The following ALG14 variants were observed in gnomAD, a reference collection of about 807,000 sequenced individuals.
ALG14 encodes UDP-N-acetylglucosamine transferase subunit ALG14.
In ALG14, 17 loss-of-function variants were observed where a neutral mutation model predicts 22.8. The ratio of observed to expected loss-of-function variants is 0.75; its 90% CI spans 0.51 to 1.12. The LOEUF is 1.12. ALG14 is among the 50% of genes most tolerant of loss of function. The pLI is 0.00. For synonymous variants in ALG14, 89 were observed against 103.7 expected (o/e 0.86, Z 0.86); for missense variants, 288 against 271.8 (o/e 1.06, Z -0.42).
chr1:94,995,935 T>G (rs1219830902), intron 3 of ALG14, among the ~76,000 whole-genome samples: 1 of 151,980 alleles, frequency 6.6e-6, no homozygotes, highest in Non-Finnish European at 1.5e-5. Flanking sequence ...AATTAGGAGG[T>G]TTTTGGAGGG....
Position 95,042,936 on chromosome 1 carries a change from T to TCTA in ALG14, c.289-15679_289-15677dup, listed in dbSNP as rs540070397. Among the ~76,000 whole-genome samples the TCTA allele has an allele frequency of 1.8e-4, 27 of 152,328 alleles. No individual in the cohort carries two copies. The South Asian group carries it at 4.4e-3, about 25-fold the overall frequency. On this transcript the variant is annotated intron_variant, in intron 2 of 3. Transcript: ENST00000370205. The stretch of plus-strand genomic sequence containing the variant: ...TGGTTGTCTAATTTTCTTGCCTTTC[T>TCTA]CTACTGTTTTTTACGTTTTCCTTAT...
chr1:95,023,646 A>G (rs1387332684), intron 3 of ALG14, among the ~76,000 whole-genome samples: 2 of 152,234 alleles, frequency 1.3e-5, no homozygotes, highest in Non-Finnish European at 2.9e-5. Flanking sequence ...ATTTGTTAAT[A>G]TGGAGAATCT....
chr1:95,040,357 C>T (rs551407888), intron 2 of ALG14, among the ~76,000 whole-genome samples: 5 of 152,104 alleles, frequency 3.3e-5, no homozygotes, highest in Non-Finnish European at 7.3e-5. Flanking sequence ...TCATAAGCAC[C>T]ATAAAGTGAG....
intron 2 of ALG14, among the ~76,000 whole-genome samples, chr1:95,051,316 A>G (rs919186430): frequency 1.3e-5 from 2 of 152,068 alleles, no homozygotes; most frequent in Admixed American, 1.3e-4. Context: ...CTCACACCCT[A>G]CATCTTATCT....
At position 94,981,399 on chromosome 1, in the gene ALG14, C is replaced by T. The variant is rs1177714366; in HGVS notation, c.*1677G>A. On this transcript the variant is annotated 3_prime_UTR_variant, in exon 4 of 4. Coordinates refer to ENST00000370205, the MANE Select transcript of ALG14 (RefSeq NM_144988.4). ...CCAGCCAAAAACCTAGGAAGATGTCCGGCTGACAGATGCGCCTGTTACATG... is the reference window on the plus strand; with the variant it reads ...CCAGCCAAAAACCTAGGAAGATGTCTGGCTGACAGATGCGCCTGTTACATG... 4.0e-5 allele frequency: 6 copies of T among 151,158 alleles called. No homozygotes were observed. Among genetic ancestry groups the T allele is most frequent in the East Asian group, 3.9e-4 (2 of 5,130 alleles). The allele number at this position is 151,158 out of a possible 1,614,324, so 9.4% of individuals were successfully genotyped here.
At chr1:95,034,695 C>A (rs947467931) in intron 2 of ALG14, among the ~76,000 whole-genome samples, 2 of 152,172 alleles carry the variant, frequency 1.3e-5, no homozygotes, top group African/African-American at 4.8e-5. Flanking sequence ...ATCTCTGTGT[C>A]TCACTGCTGA....
intron 2 of ALG14, among the ~76,000 whole-genome samples, chr1:95,039,853 G>A (rs1256142576): frequency 6.6e-6 from 1 of 152,064 alleles, no homozygotes; most frequent in African/African-American, 2.4e-5. Context: ...CTCGCTTGAC[G>A]TTGACAAGTC....
At chr1:95,012,831 T>G (rs1344311308) in intron 3 of ALG14, among the ~76,000 whole-genome samples, 1 of 152,196 alleles carries the variant, frequency 6.6e-6, no homozygotes, top group African/African-American at 2.4e-5. Flanking sequence ...GTATTTGTCC[T>G]GTTGAAACAA....
intron 3 of ALG14, among the ~76,000 whole-genome samples, chr1:95,013,919 A>T: frequency 8.0e-6 from 1 of 124,526 alleles, no homozygotes; most frequent in Non-Finnish European, 1.6e-5. Context: ...CCTTTAAATC[A>T]CTTTTTTCTT....
intron 3 of ALG14, among the ~76,000 whole-genome samples, chr1:95,016,998 G>A (rs1427710210): frequency 9.1e-6 from 1 of 109,880 alleles, no homozygotes; most frequent in African/African-American, 3.6e-5. Context: ...TGTGTGTGTA[G>A]TGTGGTGTGA....
At chr1:95,057,397 A>C (rs1311630916) in intron 2 of ALG14, among the ~76,000 whole-genome samples, 1 of 151,732 alleles carries the variant, frequency 6.6e-6, no homozygotes, top group African/African-American at 2.4e-5. Flanking sequence ...TATTTCCTAA[A>C]TAATACAGTA....
intron 3 of ALG14, among the ~76,000 whole-genome samples, chr1:94,989,693 T>A (rs570858751): frequency 6.6e-6 from 1 of 152,316 alleles, no homozygotes; most frequent in Admixed American, 6.5e-5. Flanking sequence ...GGCCATAGAA[T>A]TTCATTCATG....
intron 2 of ALG14, among the ~76,000 whole-genome samples, chr1:95,045,923 G>A (rs200887328): frequency 8.3e-4 from 73 of 88,102 alleles, no homozygotes; most frequent in African/African-American, 3.8e-3. Flanking sequence ...CTAATAATTA[G>A]TATACTAATA....
At chr1:95,070,115 G>C (rs12406653) in intron 1 of ALG14, among the ~76,000 whole-genome samples, 7,751 of 152,182 alleles carry the variant, frequency 0.051, 208 homozygotes, top group South Asian at 0.065. Context: ...CCCCATTCCA[G>C]AGAGGGCCCT....
chr1:94,982,847 T>C lies in ALG14; in HGVS notation c.*229A>G, dbSNP rs1255476834. On this transcript the variant is annotated 3_prime_UTR_variant, in exon 4 of 4. Coordinates refer to ENST00000370205, the MANE Select transcript of ALG14 (RefSeq NM_144988.4). ...TACATATTTTTATCTAGAAAAGAAA[T>C]TTGGTTTACAGAGGCATAAACATTT... 6.6e-6 allele frequency: 3 copies of C among 453,824 alleles called. No homozygotes were observed. Among genetic ancestry groups the C allele is most frequent in the Non-Finnish European group, 1.2e-5 (3 of 257,766 alleles). 28.1% of individuals were successfully genotyped at this position (453,824 alleles called of 1,614,324 possible).
intron 3 of ALG14, among the ~76,000 whole-genome samples, chr1:95,006,517 G>C (rs1337074044): frequency 1.3e-5 from 2 of 152,216 alleles, no homozygotes; most frequent in African/African-American, 4.8e-5. Context: ...ACCAGGAAGA[G>C]AGATTATTGG....
At chr1:95,003,869 CTAAA>C (rs1673134835) in intron 3 of ALG14, among the ~76,000 whole-genome samples, 1 of 152,104 alleles carries the variant, frequency 6.6e-6, no homozygotes, top group South Asian at 2.1e-4. Flanking sequence ...GCTATAATTT[CTAAA>C]TATAACATCC....
intron 3 of ALG14, among the ~76,000 whole-genome samples, chr1:94,995,605 C>A (rs1277939967): frequency 6.6e-6 from 1 of 152,188 alleles, no homozygotes; most frequent in Non-Finnish European, 1.5e-5. Context: ...CCCAGCTACT[C>A]AGGAGGCTGA....
chr1:95,015,613 T>C (rs1262376484), intron 3 of ALG14, among the ~76,000 whole-genome samples: 1 of 152,182 alleles, frequency 6.6e-6, no homozygotes, highest in East Asian at 1.9e-4. Context: ...TAAGCCCTTC[T>C]TGAGAGGGGC....
Sources: allele counts gnomAD v4.1 joint callset (sites outside exome capture counted in the v4.1 genomes callset), GRCh38; gene constraint gnomAD v4.1.1; transcripts MANE v1.5; gene names NCBI Gene and HGNC (gene_info 2026-07-23, HGNC 2026-07-21).